Variants in PPFIBP2 observed in about 807,000 individuals in gnomAD.
PPFIBP2 encodes the protein PPFIB scaffold protein 2.
In PPFIBP2, 118 loss-of-function variants were observed where a neutral mutation model predicts 118.3. The observed-to-expected ratio is 1.00, with a 90% CI of 0.86 to 1.16. PPFIBP2 has a LOEUF of 1.16. PPFIBP2 is among the 50% of genes most tolerant of loss of function. The pLI, the probability that PPFIBP2 is intolerant of heterozygous loss-of-function variation, is 0.00. For missense variants in PPFIBP2, 1,195 were observed against 1,073.1 expected (o/e 1.11, Z -1.59); for synonymous variants, 414 against 397.4 (o/e 1.04, Z -0.50).
At chr11:7,559,338 A>G (rs1439059012) in intron 2 of PPFIBP2, among the ~76,000 whole-genome samples, 1 of 151,766 alleles carries the variant, frequency 6.6e-6, no homozygotes, top group African/African-American at 2.4e-5. Context: ...TTCTATTTTG[A>G]TTTGTTTCCC....
chr11:7,650,577 A>G (rs535360308), intron 21 of PPFIBP2, among the ~76,000 whole-genome samples: 1 of 152,348 alleles, frequency 6.6e-6, no homozygotes, highest in South Asian at 2.1e-4. Flanking sequence ...ATTTGTCTCA[A>G]AGTTAGCTGG....
intron 14 of PPFIBP2, among the ~76,000 whole-genome samples, chr11:7,635,946 G>A (rs1391536597): frequency 6.6e-6 from 1 of 152,120 alleles, no homozygotes; most frequent in Non-Finnish European, 1.5e-5. Flanking sequence ...GTGCTGATAT[G>A]TCATGGTTAA....
In PPFIBP2 at chr11:7,609,299, A is replaced by G. The variant is rs573722489; in HGVS notation, c.487-992A>G. 4.6e-5 allele frequency among the ~76,000 whole-genome samples: 7 copies of G among 152,276 alleles called. No homozygotes were observed. In the East Asian group the frequency reaches 1.4e-3, roughly 29 times the overall value. ...TGTTCAGACCATGGCAGGATATCGTATATTTTCCTTCTGTTCATTTGGCCC... is the reference window on the plus strand; with the variant it reads ...TGTTCAGACCATGGCAGGATATCGTGTATTTTCCTTCTGTTCATTTGGCCC... On this transcript the variant is annotated intron_variant, in intron 5 of 23. Transcript: ENST00000299492.
At chr11:7,574,425 G>A (rs1009380339) in intron 3 of PPFIBP2, among the ~76,000 whole-genome samples, 1 of 152,130 alleles carries the variant, frequency 6.6e-6, no homozygotes, top group African/African-American at 2.4e-5. Context: ...TAGACCTTTG[G>A]GAGTAACTAC....
chr11:7,605,888 A>C, intron 5 of PPFIBP2: 1 of 1,500,270 alleles, frequency 6.7e-7, no homozygotes, highest in Non-Finnish European at 8.8e-7. Flanking sequence ...GCTACTGAGA[A>C]GCTGAACGAA....
chr11:7,567,067 T>A (rs1413087483), intron 3 of PPFIBP2, among the ~76,000 whole-genome samples: 3 of 152,252 alleles, frequency 2.0e-5, no homozygotes, highest in African/African-American at 7.2e-5. Context: ...GTTTAGGTGC[T>A]TTCTGAGACA....
chr11:7,665,358 T>C, the PPFIBP2 span: 1 of 1,479,426 alleles, frequency 6.8e-7, no homozygotes, highest in East Asian at 2.4e-5. Flanking sequence ...GCAAAATTGC[T>C]GAGCACGTGG....
chr11:7,556,951 T>G (rs1853707736), intron 2 of PPFIBP2, among the ~76,000 whole-genome samples: 1 of 152,240 alleles, frequency 6.6e-6, no homozygotes, highest in East Asian at 1.9e-4. Context: ...TTCTTGGGAC[T>G]CAGTGAGTGT....
chr11:7,593,833 A>AT (rs1420118555), intron 4 of PPFIBP2, among the ~76,000 whole-genome samples: 1 of 152,256 alleles, frequency 6.6e-6, no homozygotes, highest in Non-Finnish European at 1.5e-5. Flanking sequence ...GGTAGGACAT[A>AT]GAGTTAGGTA....
Position 7,644,595 on chromosome 11 carries a change from G to A in PPFIBP2, c.1646+2169G>A, listed in dbSNP as rs940115294. Reference sequence around the variant, plus strand: ...CCCATTTTGTTTCCTTTTCCTACACGCATGGTGAGTCAGATTCATCATGAA... The same window carrying A: ...CCCATTTTGTTTCCTTTTCCTACACACATGGTGAGTCAGATTCATCATGAA... On this transcript the variant is annotated intron_variant, in intron 17 of 23. Transcript: ENST00000299492. Among the ~76,000 whole-genome samples the A allele has an allele frequency of 2.0e-5, 3 of 152,004 alleles. No homozygotes were observed. In the South Asian group the frequency reaches 6.2e-4, roughly 31 times the overall value.
At chr11:7,601,611 G>A (rs1846640456) in intron 5 of PPFIBP2, among the ~76,000 whole-genome samples, 1 of 152,148 alleles carries the variant, frequency 6.6e-6, no homozygotes, top group African/African-American at 2.4e-5. Context: ...GTCAGATGTG[G>A]TCTTAGACTC....
intron 1 of PPFIBP2, among the ~76,000 whole-genome samples, chr11:7,529,020 C>T (rs562868679): frequency 6.6e-6 from 1 of 152,120 alleles, no homozygotes; most frequent in African/African-American, 2.4e-5. Context: ...GAGGCTTTTC[C>T]TCAGCCTGGA....
At chr11:7,632,187 G>C (rs1215209037) in intron 11 of PPFIBP2, among the ~76,000 whole-genome samples, 1 of 152,170 alleles carries the variant, frequency 6.6e-6, no homozygotes, top group East Asian at 1.9e-4. Flanking sequence ...GCCTTAACCA[G>C]TTCTCATTTC....
chr11:7,608,422 C>G (rs1273941509), intron 5 of PPFIBP2, among the ~76,000 whole-genome samples: 1 of 152,136 alleles, frequency 6.6e-6, no homozygotes, highest in African/African-American at 2.4e-5. Flanking sequence ...GGGTGAATTA[C>G]TGGAGATCAG....
At chr11:7,601,552 TACATA>T (rs1465959781) in intron 5 of PPFIBP2, among the ~76,000 whole-genome samples, 3 of 152,066 alleles carry the variant, frequency 2.0e-5, no homozygotes, top group Non-Finnish European at 4.4e-5. Flanking sequence ...TGTAGCTGTC[TACATA>T]GACAGCTACA....
chr11:7,648,826 C>A lies in PPFIBP2; in HGVS notation c.1824C>A (p.His608Gln). 6.2e-7 allele frequency: 1 copy of A among 1,614,054 alleles called. No individual in the cohort carries two copies. The highest frequency in any genetic ancestry group is 8.5e-7 in the Non-Finnish European group (1 of 1,180,008). ...AGCTAGGAATTAAGCACCCACTCCACAGGAAGAAGCTTGTTTTAGCAGTGA... is the reference window on the plus strand; with the variant it reads ...AGCTAGGAATTAAGCACCCACTCCAAAGGAAGAAGCTTGTTTTAGCAGTGA... The part of the protein sequence containing the change: ...EKELGIKHPL[H>Q]RKKLVLAVKA... Residue 608 changes from histidine to glutamine, a missense_variant, in exon 19 of 24, where the codon CAC (histidine) becomes CAA (glutamine). Transcript: ENST00000299492.
chr11:7,665,474 G>T, the PPFIBP2 span: 1 of 1,613,984 alleles, frequency 6.2e-7, no homozygotes, highest in Non-Finnish European at 8.5e-7. Context: ...CAGGATGAGC[G>T]TGGACTTCGC....
intron 2 of PPFIBP2, among the ~76,000 whole-genome samples, chr11:7,563,908 G>C (rs922841681): frequency 2.0e-5 from 3 of 152,174 alleles, no homozygotes; most frequent in Non-Finnish European, 2.9e-5. Context: ...GCTCACGCCT[G>C]TAATCCCAGC....
At chr11:7,531,894 G>A (rs927744835) in intron 1 of PPFIBP2, among the ~76,000 whole-genome samples, 1 of 151,854 alleles carries the variant, frequency 6.6e-6, no homozygotes, top group African/African-American at 2.4e-5. Flanking sequence ...GGAGCGCAGT[G>A]GCACGATCTT....
Sources: gnomAD v4.1 joint callset for allele counts (sites outside exome capture counted in the v4.1 genomes callset) on GRCh38, gnomAD v4.1.1 for gene constraint, MANE v1.5 for transcripts, NCBI Gene and HGNC (gene_info 2026-07-23, HGNC 2026-07-21) for gene names.